The following BCAS3 variants were observed in gnomAD, a reference collection of about 807,000 sequenced individuals.
The protein encoded by BCAS3 is BCAS3 microtubule associated cell migration factor, also known as BCAS4/BCAS3 fusion.
BCAS3 carries 53 observed loss-of-function variants against 116.1 expected under a neutral mutation model. That is an observed-to-expected ratio of 0.46 (90% CI 0.37 to 0.57). The LOEUF is 0.57. Ranked by LOEUF, BCAS3 falls within the 20% of genes least tolerant of loss-of-function variation. BCAS3 has a pLI of 0.00. For missense variants in BCAS3, 917 were observed against 1,165.4 expected (o/e 0.79, Z 3.10); for synonymous variants, 391 against 408.2 (o/e 0.96, Z 0.51).
intron 22 of BCAS3, among the ~76,000 whole-genome samples, chr17:61,116,083 G>T (rs932627855): frequency 2.2e-5 from 3 of 139,240 alleles, no homozygotes; most frequent in African/African-American, 8.0e-5. Flanking sequence ...ACACTCTGGG[G>T]ACTGTGGTAG....
At chr17:60,770,400 CTTTTTTTTTTTTTTT>C (rs35691381) in intron 6 of BCAS3, among the ~76,000 whole-genome samples, 31 of 76,898 alleles carry the variant, frequency 4.0e-4, no homozygotes, top group East Asian at 2.1e-3. Context: ...AGTGTTCCCT[CTTTTTTTTTTTTTTT>C]TTTTTTTTTT....
intron 7 of BCAS3, among the ~76,000 whole-genome samples, chr17:60,832,089 T>G (rs2050990655): frequency 6.6e-6 from 1 of 152,228 alleles, no homozygotes; most frequent in Non-Finnish European, 1.5e-5. Flanking sequence ...ACTGCACTAT[T>G]AAGTATAAAA....
rs951686334 is a variant in BCAS3, at chr17:60,953,859, G to A, written c.1221+6507G>A. Among the ~76,000 whole-genome samples the A allele has an allele frequency of 2.4e-4, 37 of 151,386 alleles. 1 individual carries two copies. Among genetic ancestry groups the A allele is most frequent in the Admixed American group, 2.4e-3 (36 of 15,166 alleles). On this transcript the variant is annotated intron_variant, in intron 14 of 23. Coordinates refer to ENST00000407086, the MANE Select transcript of BCAS3 (RefSeq NM_017679.5). Reference sequence around the variant, plus strand: ...GGCGATTCTCCTGCCTCAGCCTCCCGAGTAGCTGGGCTTAGAGGCACCTGC... The same window carrying A: ...GGCGATTCTCCTGCCTCAGCCTCCCAAGTAGCTGGGCTTAGAGGCACCTGC...
intron 22 of BCAS3, among the ~76,000 whole-genome samples, chr17:61,358,018 G>A (rs8066259): frequency 0.045 from 6,792 of 151,568 alleles, 394 homozygotes; most frequent in African/African-American, 0.13. Context: ...AGCCCGGGGG[G>A]CAGAGGTTAC....
At position 61,205,266 on chromosome 17, in the gene BCAS3, T is replaced by C. The variant is rs985646647; in HGVS notation, c.2425+120702T>C. On this transcript the variant is annotated intron_variant, in intron 22 of 23. Coordinates refer to ENST00000407086, the MANE Select transcript of BCAS3 (RefSeq NM_017679.5). The surrounding 1 kb of genome is among the most constrained non-coding windows in gnomAD (Gnocchi z 5.2). ...AATTGGATACAGCCAGAGAATAGTT[T>C]ACTGATAAAATATGTTTTAGGAAGG... Among the ~76,000 whole-genome samples the C allele has an allele frequency of 4.6e-5, 7 of 152,330 alleles. No individual in the cohort carries two copies. Among genetic ancestry groups the C allele is most frequent in the Middle Eastern group, 3.4e-3 (1 of 294 alleles).
intron 15 of BCAS3, among the ~76,000 whole-genome samples, chr17:61,014,805 A>G (rs1357951627): frequency 6.6e-6 from 1 of 152,192 alleles, no homozygotes; most frequent in African/African-American, 2.4e-5. Context: ...TACAAGATCA[A>G]TGTACAAAAG....
At position 61,105,967 on chromosome 17, in the gene BCAS3, A is replaced by C. The variant is rs914522905; in HGVS notation, c.2425+21403A>C. Among the ~76,000 whole-genome samples the C allele has an allele frequency of 6.6e-6, 1 of 152,148 alleles. No homozygotes were observed. Among genetic ancestry groups the C allele is most frequent in the Non-Finnish European group, 1.5e-5 (1 of 68,022 alleles). On this transcript the variant is annotated intron_variant, in intron 22 of 23. Coordinates refer to ENST00000407086, the MANE Select transcript of BCAS3 (RefSeq NM_017679.5). The surrounding 1 kb of genome is among the most constrained non-coding windows in gnomAD (Gnocchi z 4.3). ...TGAAATCTTACAGCATCCCTCCCAGACCGTGAATCATCCCTTTGTCTGGCA... is the reference window on the plus strand; with the variant it reads ...TGAAATCTTACAGCATCCCTCCCAGCCCGTGAATCATCCCTTTGTCTGGCA...
At chr17:61,183,341 C>T (rs761752047) in intron 22 of BCAS3, among the ~76,000 whole-genome samples, 1 of 152,034 alleles carries the variant, frequency 6.6e-6, no homozygotes, top group Non-Finnish European at 1.5e-5. Flanking sequence ...ATGTTTTGAA[C>T]TCCATGTTGT....
rs1198136168 is a variant in BCAS3, at chr17:61,286,449, C to T, written c.2426-81878C>T. Among the ~76,000 whole-genome samples, 1 of 152,114 alleles carries T rather than the reference C, an allele frequency of 6.6e-6. No individual in the cohort carries two copies. The highest frequency in any genetic ancestry group is 2.4e-5 in the African/African-American group (1 of 41,422). ...GTAAATGGCCAGCAGGATAGAAATC[C>T]GACGTGGTGTTTATGACCCTGGAGG... On this transcript the variant is annotated intron_variant, in intron 22 of 23. Coordinates refer to ENST00000407086, the MANE Select transcript of BCAS3 (RefSeq NM_017679.5). This position sits in a 1 kb window ranked among gnomAD's most constrained non-coding sequence, Gnocchi z 4.8.
chr17:60,880,955 T>TTTTTGTTTTG (rs201038267), intron 9 of BCAS3, among the ~76,000 whole-genome samples: 156 of 151,162 alleles, frequency 1.0e-3, no homozygotes, highest in African/African-American at 3.4e-3. Context: ...TTTCTTCTTT[T>TTTTTGTTTTG]TTTTGTTTTG....
At position 60,784,884 on chromosome 17, in the gene BCAS3, T is replaced by G. The variant is rs1598700690; in HGVS notation, c.404-23120T>G. Among the ~76,000 whole-genome samples, 11 of 151,672 alleles carry G rather than the reference T, an allele frequency of 7.3e-5. No homozygotes were observed. In the South Asian group the frequency reaches 2.3e-3, roughly 32 times the overall value. On this transcript the variant is annotated intron_variant, in intron 6 of 23. Transcript: ENST00000407086. ...GCTGACGTGGATGGAGCACCTGAGG[T>G]GAGGAGTTTGAGACCAGCCTGGCCA... is the stretch of plus-strand genomic sequence containing the variant.
intron 6 of BCAS3, among the ~76,000 whole-genome samples, chr17:60,765,210 T>C (rs1457777640): frequency 2.0e-5 from 3 of 152,230 alleles, no homozygotes. Flanking sequence ...AATATTGTTA[T>C]GTGTGAATAT....
At chr17:61,345,946 T>C (rs1274753696) in intron 22 of BCAS3, among the ~76,000 whole-genome samples, 1 of 152,190 alleles carries the variant, frequency 6.6e-6, no homozygotes, top group Non-Finnish European at 1.5e-5. Context: ...GGGCCAATTG[T>C]AGACGATGAG....
intron 22 of BCAS3, among the ~76,000 whole-genome samples, chr17:61,267,887 C>G (rs902639544): frequency 6.6e-6 from 1 of 152,086 alleles, no homozygotes; most frequent in African/African-American, 2.4e-5. Flanking sequence ...CCTCCACGTC[C>G]GAGAACCTGT....
intron 14 of BCAS3, among the ~76,000 whole-genome samples, chr17:60,989,618 A>C (rs1687777488): frequency 6.6e-6 from 1 of 152,178 alleles, no homozygotes; most frequent in African/African-American, 2.4e-5. Context: ...TCTTACAGAA[A>C]AAGCTTGCAG....
At chr17:61,173,405 C>T (rs535684503) in intron 22 of BCAS3, among the ~76,000 whole-genome samples, 22 of 151,070 alleles carry the variant, frequency 1.5e-4, no homozygotes, top group African/African-American at 3.6e-4. Flanking sequence ...ACTGAGATCA[C>T]GCCACTGCAC....
Position 61,228,364 on chromosome 17 carries a change from A to T in BCAS3, c.2426-139963A>T, listed in dbSNP as rs2082481829. 3.3e-5 allele frequency among the ~76,000 whole-genome samples: 5 copies of T among 152,234 alleles called. No individual in the cohort carries two copies. The highest frequency in any genetic ancestry group is 3.3e-4 in the Admixed American group (5 of 15,282). On this transcript the variant is annotated intron_variant, in intron 22 of 23. Coordinates refer to ENST00000407086, the MANE Select transcript of BCAS3 (RefSeq NM_017679.5). The surrounding 1 kb of genome is among the most constrained non-coding windows in gnomAD (Gnocchi z 5.0). ...AGTGTATTTTTTTAAGGTGGGAAGG[A>T]CACATGGGTATGGTGTATTTTAAAA...
chr17:61,027,273 G>A (rs2145575232), intron 16 of BCAS3: 2 of 436,354 alleles, frequency 4.6e-6, no homozygotes, highest in African/African-American at 2.0e-5. Flanking sequence ...AGCATTTGAG[G>A]ACATGATTTA....
At chr17:61,270,862 C>T (rs1419983066) in intron 22 of BCAS3, among the ~76,000 whole-genome samples, 1 of 151,994 alleles carries the variant, frequency 6.6e-6, no homozygotes, top group Non-Finnish European at 1.5e-5. Context: ...AGGCTTCAAG[C>T]AATTCTCCTG....
Sources: allele counts gnomAD v4.1 joint callset (sites outside exome capture counted in the v4.1 genomes callset), GRCh38; gene constraint gnomAD v4.1.1; non-coding constraint Gnocchi (gnomAD v3.1); transcripts MANE v1.5; gene names NCBI Gene and HGNC (gene_info 2026-07-23, HGNC 2026-07-21).